CCDC154: variants seen among roughly 807,000 people sequenced by gnomAD.
CCDC154 encodes coiled-coil domain-containing protein 154.
CCDC154 carries 91 observed loss-of-function variants against 87.5 expected under a neutral mutation model. The ratio of observed to expected loss-of-function variants is 1.04; its 90% CI spans 0.88 to 1.24. CCDC154 has a LOEUF of 1.24. CCDC154 is among the 50% of genes most tolerant of loss of function. CCDC154 has a pLI of 0.00. For missense variants in CCDC154, 903 were observed against 879.2 expected (o/e 1.03, Z -0.34); for synonymous variants, 418 against 400.4 (o/e 1.04, Z -0.52).
In CCDC154 at chr16:1,435,112, T is replaced by C; in HGVS notation, c.1669A>G (p.Arg557Gly). 1 of 1,549,626 alleles carries C rather than the reference T, an allele frequency of 6.5e-7. No homozygotes were observed. Among genetic ancestry groups the C allele is most frequent in the Non-Finnish European group, 8.7e-7 (1 of 1,146,420 alleles). Residue 557 changes from arginine to glycine, a missense_variant, in exon 15 of 17, where the codon AGG becomes GGG. Transcript: ENST00000389176. Reference sequence around the variant, plus strand: ...ACCAGCCGGGCCTCAGTGTTGAACCTGAGGTTCTGGATGGTCTTGTTGGCC... The same window carrying C: ...ACCAGCCGGGCCTCAGTGTTGAACCCGAGGTTCTGGATGGTCTTGTTGGCC... The part of the protein sequence containing the change: ...VQANKTIQNL[R>G]FNTEARLRTQ...
chr16:1,434,689 C>A lies in CCDC154; in HGVS notation c.1856G>T (p.Trp619Leu), dbSNP rs1567256295. 6.5e-7 allele frequency: 1 copy of A among 1,546,926 alleles called. No homozygotes were observed. Reference protein sequence around the residue: ...APGKVVPMNCWGVYQAVRWLR... With the variant: ...APGKVVPMNCLGVYQAVRWLR... Reference sequence around the variant, plus strand: ...CCACCTCACAGCCTGGTACACGCCCCAGCAGTTCATGGGCACCACCTTGCC... The same window carrying A: ...CCACCTCACAGCCTGGTACACGCCCAAGCAGTTCATGGGCACCACCTTGCC... The change falls in exon 16 of 17, where the codon TGG becomes TTG. Residue 619 changes from tryptophan (W) to leucine (L), a missense_variant. Physicochemically the swap from Trp to Leu is moderately conservative, Grantham distance 61 (BLOSUM62 -2). Transcript: ENST00000389176.
At chr16:1,436,954 G>T in intron 11 of CCDC154, 143 bp from the exon 12 acceptor site, 1 of 1,201,730 alleles carries the variant, frequency 8.3e-7, no homozygotes, top group African/African-American at 1.5e-5. Flanking sequence ...GCCTGCAGGC[G>T]GCTGGGATGG....
chr16:1,436,415 T>C (rs1211075713), intron 13 of CCDC154, 30 bp downstream of exon 13: 1 of 1,521,776 alleles, frequency 6.6e-7, no homozygotes, highest in Admixed American at 2.0e-5. Flanking sequence ...GCAGAGCCCC[T>C]GCCCCTCTCC....
At position 1,436,829 on chromosome 16, in the gene CCDC154, A is replaced by G. The variant is rs539385865; in HGVS notation, c.1291-18T>C. On this transcript the variant is annotated intron_variant, in intron 11 of 16. Transcript: ENST00000389176. ...GTCTTTGCCTGGGGTACAGATGCCC[A>G]GTGAGGGACAAAGCCAAGAGAGGGG... The G allele has an allele frequency of 6.5e-6, 10 of 1,550,228 alleles. No homozygotes were observed. The highest frequency in any genetic ancestry group is 5.2e-6 in the Non-Finnish European group (6 of 1,146,786).
At position 1,438,184 on chromosome 16, in the gene CCDC154, T is replaced by C. The variant is rs2038519576; in HGVS notation, c.1026-8A>G. The C allele has an allele frequency of 1.3e-6, 2 of 1,528,652 alleles. No individual in the cohort carries two copies. Among genetic ancestry groups the C allele is most frequent in the Admixed American group, 2.1e-5 (1 of 48,742 alleles). 94.7% of individuals were successfully genotyped at this position (1,528,652 alleles called of 1,614,324 possible). The stretch of plus-strand genomic sequence containing the variant: ...AAGCGCCCCTTGGCGTCCCTAGGGG[T>C]TGGGGACACATAGACACCCTCAGTG... On this transcript the variant is annotated splice_region_variant and splice_polypyrimidine_tract_variant and intron_variant, in intron 9 of 16. Coordinates refer to ENST00000389176, the MANE Select transcript of CCDC154 (RefSeq NM_001143980.3).
chr16:1,440,248 G>A (rs1175590318), intron 6 of CCDC154, among the ~76,000 whole-genome samples: 1 of 151,068 alleles, frequency 6.6e-6, no homozygotes, highest in Non-Finnish European at 1.5e-5. Context: ...AGGAGATCAA[G>A]ACTATCCTGG....
chr16:1,439,201 C>T, intron 6 of CCDC154, 75 bp from the exon 7 acceptor site: 2 of 1,336,588 alleles, frequency 1.5e-6, no homozygotes, highest in Non-Finnish European at 2.1e-6. Flanking sequence ...CCCATGGTCT[C>T]CATCAGAGTT....
Position 1,438,089 on chromosome 16 carries a change from G to A in CCDC154, c.1113C>T (p.Gly371=), listed in dbSNP as rs913484528. The change falls in exon 10 of 17, where the codon GGC becomes GGT. Residue 371 remains glycine (G), a synonymous_variant. Transcript: ENST00000389176. ...CATGCATCTCCTGCCGGGCCAGCTC[G>A]CCAGCCAGCTGTGCGGCCTCCAGGT... ...QENLEAAQLA[G]ELARQEMHGE... is the part of the protein sequence containing the mutation. 36 of 1,548,518 alleles carry A rather than the reference G, an allele frequency of 2.3e-5. No homozygotes were observed. The highest frequency in any genetic ancestry group is 5.9e-5 in the Admixed American group (3 of 50,948).
At position 1,434,410 on chromosome 16, in the gene CCDC154, A is replaced by G; in HGVS notation, c.2002T>C (p.Ter668GlnextTer8). Residue 668 changes from the stop codon to glutamine, a stop_lost, in exon 17 of 17, where the codon TAA becomes CAA. Transcript: ENST00000389176. The part of the protein sequence containing the change: ...QLTPSLFIQK[*>Q] ...TAATGAGTACAAAGCCAGCACGTTT[A>G]TTTCTGGATAAACAGTGAGGGTGTG... The G allele has an allele frequency of 6.5e-7, 1 of 1,550,278 alleles. No individual in the cohort carries two copies. The highest frequency in any genetic ancestry group is 1.2e-5 in the South Asian group (1 of 84,056).
At position 1,436,459 on chromosome 16, in the gene CCDC154, G is replaced by C. The variant is rs1314840131; in HGVS notation, c.1473C>G (p.Ala491=). The C allele has an allele frequency of 9.0e-6, 14 of 1,548,568 alleles. No homozygotes were observed. The highest frequency in any genetic ancestry group is 1.4e-5 in the African/African-American group (1 of 73,058). ...GGAGGCTGTACCTGGCCTTGCCTTC[G>C]GCGGAAATCCTGAGGTCTGAGTCGC... The part of the protein sequence containing the change: ...HKSDSDLRIS[A]EGKAREFKVG... The change falls in exon 13 of 17, where the codon GCC becomes GCG. Residue 491 remains alanine (A), a synonymous_variant. Transcript: ENST00000389176.
At chr16:1,442,763 G>A in intron 5 of CCDC154, 117 bp downstream of exon 5, 1 of 1,164,544 alleles carries the variant, frequency 8.6e-7, no homozygotes, top group Non-Finnish European at 1.2e-6. Context: ...ACCGAGGGCG[G>A]TGCCCCGCCG....
intron 6 of CCDC154, 128 bp downstream of exon 6, chr16:1,442,278 T>C: frequency 2.7e-6 from 3 of 1,121,496 alleles, no homozygotes; most frequent in Non-Finnish European, 3.7e-6. Context: ...TGTCTACAAC[T>C]ATAGCTGATT....
Position 1,438,834 on chromosome 16 carries a change from G to C in CCDC154, c.887C>G (p.Ala296Gly), listed in dbSNP as rs116378034. Residue 296 changes from alanine to glycine, a missense_variant, in exon 8 of 17, where the codon GCC (alanine) becomes GGC (glycine). Ala to Gly is a moderately conservative substitution (Grantham distance 60, BLOSUM62 0). Coordinates refer to ENST00000389176, the MANE Select transcript of CCDC154 (RefSeq NM_001143980.3). The stretch of plus-strand genomic sequence containing the variant: ...CCCCACCTCATGCTGCCCCTGCAGG[G>C]CCCGCAGGCGCTCCTCCATCAGCCC... ...LRGLMEERLR[A>G]LQGQHEESHL... is the part of the protein sequence containing the mutation. 6,878 of 1,546,410 alleles carry C rather than the reference G, an allele frequency of 4.4e-3. 254 individuals carry two copies. In the African/African-American group the frequency reaches 0.083, roughly 19 times the overall value.
At chr16:1,434,898 G>C in intron 15 of CCDC154, 46 bp from the exon 16 acceptor site, 1 of 1,461,546 alleles carries the variant, frequency 6.8e-7, no homozygotes, top group African/African-American at 1.4e-5. Flanking sequence ...AGACCTCCGG[G>C]CAGGGGATGG....
chr16:1,434,782 G>C lies in CCDC154; in HGVS notation c.1763C>G (p.Pro588Arg). 1 of 1,541,898 alleles carries C rather than the reference G, an allele frequency of 6.5e-7. No homozygotes were observed. Among genetic ancestry groups the C allele is most frequent in the Non-Finnish European group, 8.7e-7 (1 of 1,146,408 alleles). ...TGGGAGCGCCTTCCAGCTGCCCAGC[G>C]GCGTCCGCGGGCCCTCCTCACTCCA... ...RLWSEEGPRT[P>R]LGSWKALPSL... The change falls in exon 16 of 17, where the codon CCG becomes CGG. Residue 588 changes from proline (P) to arginine (R), a missense_variant. Pro to Arg is a moderately radical substitution (Grantham distance 103). Coordinates refer to ENST00000389176, the MANE Select transcript of CCDC154 (RefSeq NM_001143980.3).
chr16:1,443,393 C>T, intron 3 of CCDC154, 92 bp from the exon 4 acceptor site: 1 of 1,467,412 alleles, frequency 6.8e-7, no homozygotes, highest in Non-Finnish European at 9.0e-7. Flanking sequence ...CCACTGGCCC[C>T]TGGGAGCTCT....
At chr16:1,439,220 C>T (rs1307987009) in intron 6 of CCDC154, 94 bp from the exon 7 acceptor site, 1 of 1,131,698 alleles carries the variant, frequency 8.8e-7, no homozygotes, top group Non-Finnish European at 1.3e-6. Context: ...TTGGAGTCCC[C>T]TGCTGTCCCC....
intron 9 of CCDC154, chr16:1,438,394 C>A: frequency 1.4e-6 from 1 of 739,120 alleles, no homozygotes; most frequent in Non-Finnish European, 2.1e-6. Context: ...GGTTCCCTCC[C>A]CATGGCCACA....
chr16:1,442,402 G>A lies in CCDC154; in HGVS notation c.675+4C>T. ...GCCCCCCTGAAGCCTGGGCCTGGTGGTACCTGCATTCTGGCCACCTCCAGG... is the reference window on the plus strand; with the variant it reads ...GCCCCCCTGAAGCCTGGGCCTGGTGATACCTGCATTCTGGCCACCTCCAGG... On this transcript the variant is annotated splice_donor_region_variant and intron_variant, in intron 6 of 16. Transcript: ENST00000389176. The A allele has an allele frequency of 6.5e-7, 1 of 1,545,966 alleles. No individual in the cohort carries two copies. Among genetic ancestry groups the A allele is most frequent in the Non-Finnish European group, 8.7e-7 (1 of 1,144,710 alleles).
Sources: gnomAD v4.1 joint callset for allele counts (sites outside exome capture counted in the v4.1 genomes callset) on GRCh38, gnomAD v4.1.1 for gene constraint, MANE v1.5 for transcripts, NCBI Gene and HGNC (gene_info 2026-07-23, HGNC 2026-07-21) for gene names.